Variants in ABTB3 observed in about 807,000 individuals in gnomAD.
The protein encoded by ABTB3 is ankyrin repeat- and BTB/POZ domain-containing protein 3.
At chr12:107,371,090 C>A in the ABTB3 span, among the ~76,000 whole-genome samples, 1 of 152,038 alleles carries the variant, frequency 6.6e-6, no homozygotes, top group Non-Finnish European at 1.5e-5. Context: ...CCCTTCCCCC[C>A]AACCTTATGA....
At chr12:107,421,660 C>T in the ABTB3 span, among the ~76,000 whole-genome samples, 2 of 152,186 alleles carry the variant, frequency 1.3e-5, no homozygotes, top group African/African-American at 4.8e-5. Flanking sequence ...TTCTCTGGAA[C>T]CCCACTATAC....
chr12:107,551,490 C>T, the ABTB3 span, among the ~76,000 whole-genome samples: 1 of 152,212 alleles, frequency 6.6e-6, no homozygotes, highest in Non-Finnish European at 1.5e-5. Context: ...CTGCAGGTTA[C>T]AGCCCATGAG....
chr12:107,392,664 T>C, the ABTB3 span, among the ~76,000 whole-genome samples: 1 of 152,150 alleles, frequency 6.6e-6, no homozygotes, highest in Non-Finnish European at 1.5e-5. Context: ...TCCCCTTCCA[T>C]AGGACTCCAT....
At chr12:107,529,108 C>T in the ABTB3 span, among the ~76,000 whole-genome samples, 37,841 of 133,352 alleles carry the variant, frequency 0.28, 5,466 homozygotes, top group Admixed American at 0.38. Flanking sequence ...ATGATGGTGA[C>T]GGTGATGATT....
the ABTB3 span, among the ~76,000 whole-genome samples, chr12:107,465,929 A>C: frequency 2.6e-5 from 4 of 152,278 alleles, no homozygotes; most frequent in South Asian, 8.3e-4. Flanking sequence ...TCATGCATGC[A>C]TTCATTTTGT....
the ABTB3 span, among the ~76,000 whole-genome samples, chr12:107,624,778 T>C: frequency 6.6e-6 from 1 of 152,208 alleles, no homozygotes; most frequent in Non-Finnish European, 1.5e-5. Flanking sequence ...CTATCACAAA[T>C]AAAGCTGTTA....
chr12:107,600,972 G>T, the ABTB3 span, among the ~76,000 whole-genome samples: 2 of 151,886 alleles, frequency 1.3e-5, no homozygotes, highest in Non-Finnish European at 2.9e-5. Flanking sequence ...GGATGGTGGT[G>T]GGGGGGTGTC....
the ABTB3 span, among the ~76,000 whole-genome samples, chr12:107,355,418 G>A: frequency 6.6e-6 from 1 of 152,364 alleles, no homozygotes; most frequent in African/African-American, 2.4e-5. Flanking sequence ...GTGTCCAGCT[G>A]TCTCCTGTCT....
the ABTB3 span, among the ~76,000 whole-genome samples, chr12:107,596,724 C>T: frequency 2.0e-5 from 3 of 152,162 alleles, no homozygotes; most frequent in Non-Finnish European, 4.4e-5. Flanking sequence ...TTCCCCTCTG[C>T]ATCCAGGCCA....
chr12:107,570,317 C>A, the ABTB3 span, among the ~76,000 whole-genome samples: 1 of 152,266 alleles, frequency 6.6e-6, no homozygotes, highest in African/African-American at 2.4e-5. Context: ...CGGGTTCAAG[C>A]GATTCTCGTG....
At chr12:107,375,100 T>A in the ABTB3 span, among the ~76,000 whole-genome samples, 2 of 152,124 alleles carry the variant, frequency 1.3e-5, no homozygotes, top group Non-Finnish European at 2.9e-5. Flanking sequence ...ACTAAGGTGT[T>A]AAGTGTTAGG....
At chr12:107,651,805 C>G in the ABTB3 span, 4 of 1,597,712 alleles carry the variant, frequency 2.5e-6, no homozygotes, top group Admixed American at 1.7e-5. Flanking sequence ...ATCTCATTCT[C>G]GCGCAGTGCG....
At chr12:107,511,878 GTT>G in the ABTB3 span, among the ~76,000 whole-genome samples, 4 of 152,116 alleles carry the variant, frequency 2.6e-5, no homozygotes, top group East Asian at 7.7e-4. Context: ...TGGCCCCCAG[GTT>G]TTAGTGGGGA....
the ABTB3 span, among the ~76,000 whole-genome samples, chr12:107,382,838 A>G: frequency 3.3e-5 from 5 of 152,076 alleles, no homozygotes; most frequent in African/African-American, 1.2e-4. Context: ...GCAACAAACC[A>G]CCATGGCATG....
chr12:107,439,392 G>T, the ABTB3 span, among the ~76,000 whole-genome samples: 2 of 152,192 alleles, frequency 1.3e-5, no homozygotes, highest in Non-Finnish European at 2.9e-5. Context: ...CTACAGGTCA[G>T]AAATCTCACC....
chr12:107,387,999 G>A, the ABTB3 span, among the ~76,000 whole-genome samples: 1 of 131,856 alleles, frequency 7.6e-6, no homozygotes, highest in Admixed American at 8.2e-5. Context: ...TTGAGACAGA[G>A]TCTCGCTCTG....
the ABTB3 span, among the ~76,000 whole-genome samples, chr12:107,379,522 G>C: frequency 1.3e-5 from 2 of 152,130 alleles, no homozygotes; most frequent in Non-Finnish European, 2.9e-5. Flanking sequence ...ATGATTGTGA[G>C]GCTTCCCTAG....
the ABTB3 span, among the ~76,000 whole-genome samples, chr12:107,399,801 T>G: frequency 1.3e-5 from 2 of 152,218 alleles, no homozygotes; most frequent in East Asian, 3.8e-4. Flanking sequence ...AAGCCCCACA[T>G]GCATTAGGTG....
chr12:107,565,588 A>T, the ABTB3 span, among the ~76,000 whole-genome samples: 1 of 151,282 alleles, frequency 6.6e-6, no homozygotes, highest in Non-Finnish European at 1.5e-5. Flanking sequence ...ACACTCCCCC[A>T]CTTTCCAGCC....
Sources: gnomAD v4.1 joint callset for allele counts (sites outside exome capture counted in the v4.1 genomes callset) on GRCh38, gnomAD v4.1.1 for gene constraint, MANE v1.5 for transcripts, NCBI Gene and HGNC (gene_info 2026-07-23, HGNC 2026-07-21) for gene names.